Variants in MOB3A observed in about 807,000 individuals in gnomAD.
MOB3A encodes MOB kinase activator 3A, also known as MOB LAK.
MOB3A carries 17 observed loss-of-function variants against 17.8 expected under a neutral mutation model. The observed-to-expected ratio is 0.95, with a 90% CI of 0.65 to 1.43. The LOEUF is 1.43. Ranked by LOEUF, MOB3A falls within the 40% of genes most tolerant of loss-of-function variation. The pLI is 0.00. For synonymous variants in MOB3A, 124 were observed against 133.2 expected (o/e 0.93, Z 0.48); for missense variants, 333 against 310.8 (o/e 1.07, Z -0.54).
intron 4 of MOB3A, among the ~76,000 whole-genome samples, chr19:2,074,045 C>G (rs963749018): frequency 2.0e-5 from 3 of 151,594 alleles, no homozygotes; most frequent in Non-Finnish European, 4.4e-5. Flanking sequence ...AAGAAAAAAA[C>G]AACTTTGGGA....
In MOB3A at chr19:2,073,389, G is replaced by T; in HGVS notation, c.*6C>A. The T allele has an allele frequency of 6.2e-7, 1 of 1,613,510 alleles. No individual in the cohort carries two copies. On this transcript the variant is annotated 3_prime_UTR_variant, in exon 5 of 5. Coordinates refer to ENST00000357066, the MANE Select transcript of MOB3A (RefSeq NM_130807.3). Reference sequence around the variant, plus strand: ...CGGTTCGGGCACCGGGAGACCCGCGGGGCTCTCAGTGGCACATCCGGGCGG... The same window carrying T: ...CGGTTCGGGCACCGGGAGACCCGCGTGGCTCTCAGTGGCACATCCGGGCGG...
At chr19:2,095,780 G>C (rs1405882544) in intron 1 of MOB3A, among the ~76,000 whole-genome samples, 1 of 148,996 alleles carries the variant, frequency 6.7e-6, no homozygotes, top group African/African-American at 2.5e-5. Flanking sequence ...CCCCCGCTCT[G>C]GTTGCCCAGG....
intron 1 of MOB3A, among the ~76,000 whole-genome samples, chr19:2,094,049 T>C (rs2017642161): frequency 6.9e-6 from 1 of 144,254 alleles, no homozygotes; most frequent in Non-Finnish European, 1.5e-5. Context: ...TTCTTTTTTT[T>C]TTTTTTTTTT....
At chr19:2,077,189 T>C (rs548403696) in intron 3 of MOB3A, among the ~76,000 whole-genome samples, 176 bp from the exon 4 acceptor site, 2 of 152,098 alleles carry the variant, frequency 1.3e-5, no homozygotes, top group East Asian at 3.9e-4. Flanking sequence ...TCACTTGAGG[T>C]CTGGAGTTCG....
rs563281144 is a variant in MOB3A at position 2,074,575 on chromosome 19, C to T, written c.625-1151G>A. Among the ~76,000 whole-genome samples, 7 of 150,030 alleles carry T rather than the reference C, an allele frequency of 4.7e-5. No individual in the cohort carries two copies. In the East Asian group the frequency reaches 9.8e-4, roughly 21 times the overall value. ...TTTTAGTCTTTTTTTTTTTTTGAGA[C>T]GGAGTTTCACTCTGTCATTCAGGCT... is the stretch of plus-strand genomic sequence containing the variant. On this transcript the variant is annotated intron_variant, in intron 4 of 4. Coordinates refer to ENST00000357066, the MANE Select transcript of MOB3A (RefSeq NM_130807.3).
At chr19:2,080,481 G>A (rs920931558) in intron 2 of MOB3A, among the ~76,000 whole-genome samples, 2 of 151,872 alleles carry the variant, frequency 1.3e-5, no homozygotes, top group African/African-American at 2.4e-5. Flanking sequence ...GGGTTCACGC[G>A]ATTCTCCTGC....
At chr19:2,096,001 C>T (rs1018097380) in intron 1 of MOB3A, among the ~76,000 whole-genome samples, 7 of 152,168 alleles carry the variant, frequency 4.6e-5, no homozygotes, top group Non-Finnish European at 1.0e-4. Flanking sequence ...GCGTCGGCCT[C>T]CCAAAGTGCT....
At chr19:2,079,221 G>A (rs536119413) in intron 2 of MOB3A, among the ~76,000 whole-genome samples, 77 of 152,362 alleles carry the variant, frequency 5.1e-4, no homozygotes, top group African/African-American at 1.6e-3. Context: ...CATCTTCCCC[G>A]GTGCCGATGC....
At chr19:2,087,304 T>G (rs536433780) in intron 1 of MOB3A, among the ~76,000 whole-genome samples, 1 of 152,374 alleles carries the variant, frequency 6.6e-6, no homozygotes, top group South Asian at 2.1e-4. Context: ...CCTGGCACGT[T>G]TGGCGTTGCG....
rs2017448160 is a variant in MOB3A at position 2,078,598 on chromosome 19, G to A, written c.-38C>T. 6.6e-7 allele frequency: 1 copy of A among 1,523,228 alleles called. No individual in the cohort carries two copies. Among genetic ancestry groups the A allele is most frequent in the Non-Finnish European group, 8.8e-7 (1 of 1,135,230 alleles). The allele number at this position is 1,523,228 out of a possible 1,614,324, so 94.4% of individuals were successfully genotyped here. On this transcript the variant is annotated 5_prime_UTR_variant, in exon 3 of 5. Transcript: ENST00000357066. ...TGCTCTCCTGGACTTCTGTAGAGGG[G>A]TCCTGGGCCAGCTGGCTGGGGGTGC...
At chr19:2,080,502 C>T (rs932286394) in intron 2 of MOB3A, among the ~76,000 whole-genome samples, 4 of 152,016 alleles carry the variant, frequency 2.6e-5, no homozygotes, top group Non-Finnish European at 4.4e-5. Flanking sequence ...CTCAGCCTCC[C>T]GAGTAGCTGG....
Position 2,073,382 on chromosome 19 carries a change from A to G in MOB3A, c.*13T>C. 1.2e-6 allele frequency: 2 copies of G among 1,613,004 alleles called. No homozygotes were observed. Among genetic ancestry groups the G allele is most frequent in the Non-Finnish European group, 1.7e-6 (2 of 1,179,868 alleles). ...CCAGCGGCGGTTCGGGCACCGGGAG[A>G]CCCGCGGGGCTCTCAGTGGCACATC... On this transcript the variant is annotated 3_prime_UTR_variant, in exon 5 of 5. Coordinates refer to ENST00000357066, the MANE Select transcript of MOB3A (RefSeq NM_130807.3).
At chr19:2,090,951 C>T (rs56173115) in intron 1 of MOB3A, among the ~76,000 whole-genome samples, 4,570 of 152,208 alleles carry the variant, frequency 0.03, 98 homozygotes, top group Admixed American at 0.05. Flanking sequence ...CGTGAGCCAC[C>T]GCGCCCGGCC....
At chr19:2,078,115 C>T (rs780286754) in intron 3 of MOB3A, 25 bp downstream of exon 3, 100 of 1,537,944 alleles carry the variant, frequency 6.5e-5, no homozygotes, top group Non-Finnish European at 8.2e-5. Context: ...TCTGTATCCC[C>T]GAGCCCCTGC....
Position 2,079,238 on chromosome 19 carries a change from C to G in MOB3A, c.-119-559G>C, listed in dbSNP as rs558172060. On this transcript the variant is annotated intron_variant, in intron 2 of 4. Coordinates refer to ENST00000357066, the MANE Select transcript of MOB3A (RefSeq NM_130807.3). Reference sequence around the variant, plus strand: ...TCTTCCCCGGTGCCGATGCCTGGCCCGGACCTAGACTTGCTGCTACCCAGC... The same window carrying G: ...TCTTCCCCGGTGCCGATGCCTGGCCGGGACCTAGACTTGCTGCTACCCAGC... Among the ~76,000 whole-genome samples the G allele has an allele frequency of 2.0e-5, 3 of 152,384 alleles. No individual in the cohort carries two copies. The South Asian group carries it at 6.2e-4, about 32-fold the overall frequency.
rs553458581 is a variant in MOB3A at position 2,071,792 on chromosome 19, A to T, written c.*1603T>A. The stretch of plus-strand genomic sequence containing the variant: ...GAACTGGAAGATTCCAGACCAGGGG[A>T]GAGGCGTCCAGGGAGAGAAGAGTCC... On this transcript the variant is annotated 3_prime_UTR_variant, in exon 5 of 5. Transcript: ENST00000357066. 1 of 153,938 alleles carries T rather than the reference A, an allele frequency of 6.5e-6. No homozygotes were observed. The highest frequency in any genetic ancestry group is 1.4e-5 in the Non-Finnish European group (1 of 69,016). 9.5% of individuals were successfully genotyped at this position (153,938 alleles called of 1,614,324 possible).
At chr19:2,076,048 G>A (rs1242131431) in intron 4 of MOB3A, among the ~76,000 whole-genome samples, 3 of 150,478 alleles carry the variant, frequency 2.0e-5, no homozygotes, top group South Asian at 2.1e-4. Flanking sequence ...GCTTGAACCC[G>A]GAAGGTGGGG....
intron 3 of MOB3A, among the ~76,000 whole-genome samples, 174 bp downstream of exon 3, chr19:2,077,963 TTTG>T (rs1453587485): frequency 6.6e-6 from 1 of 151,930 alleles, no homozygotes; most frequent in East Asian, 1.9e-4. Flanking sequence ...TTTAAAATTT[TTTG>T]TAGAGATGGG....
At chr19:2,084,431 G>A (rs1409676688) in intron 2 of MOB3A, among the ~76,000 whole-genome samples, 1 of 151,586 alleles carries the variant, frequency 6.6e-6, no homozygotes, top group Non-Finnish European at 1.5e-5. Context: ...GGAGGCGGAG[G>A]CTACAGTGAG....
Sources: gnomAD v4.1 joint callset for allele counts (sites outside exome capture counted in the v4.1 genomes callset) on GRCh38, gnomAD v4.1.1 for gene constraint, MANE v1.5 for transcripts, NCBI Gene and HGNC (gene_info 2026-07-23, HGNC 2026-07-21) for gene names.